Variants in RALYL observed in about 807,000 individuals in gnomAD.
RALYL encodes RALY RNA binding protein like, also known as RNA-binding Raly-like protein.
A neutral mutation model predicts 35.1 loss-of-function variants in RALYL; 29 were observed. That is an observed-to-expected ratio of 0.83 (90% CI 0.61 to 1.13). RALYL has a LOEUF of 1.13. Ranked by LOEUF, RALYL falls within the 50% of genes most tolerant of loss-of-function variation. RALYL has a pLI of 0.00. For synonymous variants in RALYL, 120 were observed against 127.6 expected, an observed-to-expected ratio of 0.94 and a Z score of 0.40; for missense variants, 359 against 360.4, an observed-to-expected ratio of 1.00 and a Z score of 0.03.
At chr8:84,341,274 T>C (rs1211668376) in intron 1 of RALYL, among the ~76,000 whole-genome samples, 1 of 151,536 alleles carries the variant, frequency 6.6e-6, no homozygotes, top group Non-Finnish European at 1.5e-5. Context: ...TTTATTTAAA[T>C]ATTATGTGCA....
At chr8:84,193,151 T>A (rs1473169349) in intron 1 of RALYL, among the ~76,000 whole-genome samples, 1 of 151,966 alleles carries the variant, frequency 6.6e-6, no homozygotes, top group East Asian at 1.9e-4. Flanking sequence ...CTTGAAGATA[T>A]GGAGACAAAA....
intron 1 of RALYL, among the ~76,000 whole-genome samples, chr8:84,354,836 G>T (rs1204042899): frequency 6.7e-6 from 1 of 149,818 alleles, no homozygotes; most frequent in Non-Finnish European, 1.5e-5. Flanking sequence ...GTTTTCTTTT[G>T]GTTAATGGTT....
chr8:84,727,160 T>A (rs1845117923), intron 2 of RALYL, among the ~76,000 whole-genome samples: 1 of 152,074 alleles, frequency 6.6e-6, no homozygotes, highest in Non-Finnish European at 1.5e-5. Context: ...ACATCGGATT[T>A]GGAAGATATT....
At chr8:84,588,226 T>G (rs1303269978) in intron 2 of RALYL, among the ~76,000 whole-genome samples, 1 of 152,158 alleles carries the variant, frequency 6.6e-6, no homozygotes, top group Non-Finnish European at 1.5e-5. Flanking sequence ...AATTAAGGAA[T>G]GTACATGGAC....
chr8:84,201,240 T>TTAAA (rs3078263), intron 1 of RALYL, among the ~76,000 whole-genome samples: 51,170 of 151,838 alleles, frequency 0.34, 8,863 homozygotes, highest in Middle Eastern at 0.44. Flanking sequence ...TTATAGAATG[T>TTAAA]TAATCTGTAT....
At chr8:84,533,632 C>T (rs1180818503) in intron 2 of RALYL, among the ~76,000 whole-genome samples, 1 of 152,138 alleles carries the variant, frequency 6.6e-6, no homozygotes, top group Non-Finnish European at 1.5e-5. Flanking sequence ...TTCTGAAACC[C>T]ATATGCAGGC....
chr8:84,913,030 G>GGATA (rs1288287359), intron 8 of RALYL, among the ~76,000 whole-genome samples: 1 of 76,158 alleles, frequency 1.3e-5, no homozygotes, highest in African/African-American at 3.8e-5. Flanking sequence ...ATGGATGGAT[G>GGATA]GATAGGTAGG....
intron 1 of RALYL, among the ~76,000 whole-genome samples, chr8:84,494,216 A>C (rs1218604797): frequency 6.6e-6 from 1 of 152,046 alleles, no homozygotes; most frequent in Non-Finnish European, 1.5e-5. Context: ...ATGGTTGTAC[A>C]TCTGTGGTCT....
At position 84,821,890 on chromosome 8, in the gene RALYL, C is replaced by A. The variant is rs190838743; in HGVS notation, c.365+17088C>A. Among the ~76,000 whole-genome samples the A allele has an allele frequency of 8.2e-4, 125 of 152,202 alleles. No homozygotes were observed. The Middle Eastern group carries it at 0.031, about 37-fold the overall frequency. On this transcript the variant is annotated intron_variant, in intron 4 of 8. Transcript: ENST00000521268. ...GTAGATATTAAAATGAAAAGTCAAT[C>A]CTCAAATGTTTCATGTTTTTAGAAA...
At chr8:84,749,004 G>T (rs1189084408) in intron 2 of RALYL, among the ~76,000 whole-genome samples, 1 of 152,008 alleles carries the variant, frequency 6.6e-6, no homozygotes, top group East Asian at 1.9e-4. Context: ...TCTGAAAAGA[G>T]AATTTTCTGT....
At chr8:84,869,601 T>C (rs953055780) in intron 6 of RALYL, among the ~76,000 whole-genome samples, 6 of 152,110 alleles carry the variant, frequency 3.9e-5, no homozygotes, top group African/African-American at 1.2e-4. Context: ...CTGTAGGATG[T>C]TGAGCAGACT....
At chr8:84,454,639 C>T (rs10096184) in intron 1 of RALYL, among the ~76,000 whole-genome samples, 8,541 of 152,154 alleles carry the variant, frequency 0.056, 564 homozygotes, top group African/African-American at 0.16. Flanking sequence ...TGCTCTCCTT[C>T]ACTTGGCATT....
intron 1 of RALYL, among the ~76,000 whole-genome samples, chr8:84,483,549 C>T (rs116742330): frequency 7.8e-4 from 118 of 152,196 alleles, no homozygotes; most frequent in African/African-American, 2.6e-3. Flanking sequence ...CAAATAATTG[C>T]AAGTCCCTTA....
intron 2 of RALYL, among the ~76,000 whole-genome samples, chr8:84,692,360 T>C (rs532078043): frequency 6.6e-6 from 1 of 152,098 alleles, no homozygotes; most frequent in South Asian, 2.1e-4. Context: ...ATATACAAAG[T>C]CATTTTTCAT....
intron 1 of RALYL, among the ~76,000 whole-genome samples, chr8:84,467,480 T>A (rs140794156): frequency 0.35 from 52,560 of 151,386 alleles, 9,422 homozygotes; most frequent in South Asian, 0.51. Context: ...TCCTGAGTTC[T>A]AGTTTGATTG....
chr8:84,696,528 G>T (rs1839183880), intron 2 of RALYL, among the ~76,000 whole-genome samples: 1 of 151,904 alleles, frequency 6.6e-6, no homozygotes, highest in African/African-American at 2.4e-5. Context: ...TTCATATTTT[G>T]TGAATCCTCT....
At chr8:84,511,524 C>A (rs927577372) in intron 1 of RALYL, among the ~76,000 whole-genome samples, 3 of 152,106 alleles carry the variant, frequency 2.0e-5, no homozygotes, top group Non-Finnish European at 4.4e-5. Context: ...ATATCCATCA[C>A]CTGGAGCATA....
At chr8:84,235,315 T>C (rs900530768) in intron 1 of RALYL, among the ~76,000 whole-genome samples, 16 of 152,330 alleles carry the variant, frequency 1.1e-4, no homozygotes, top group African/African-American at 3.6e-4. Context: ...ACAAACTGAT[T>C]TGGGGCAACT....
chr8:84,213,349 C>T (rs1297904790), intron 1 of RALYL, among the ~76,000 whole-genome samples: 1 of 152,056 alleles, frequency 6.6e-6, no homozygotes, highest in Non-Finnish European at 1.5e-5. Context: ...CGAGATCCCT[C>T]AACGCCATTG....
Sources: gnomAD v4.1 joint callset for allele counts (sites outside exome capture counted in the v4.1 genomes callset) on GRCh38, gnomAD v4.1.1 for gene constraint, MANE v1.5 for transcripts, NCBI Gene and HGNC (gene_info 2026-07-23, HGNC 2026-07-21) for gene names.